Variants in PAFAH1B1 observed in about 807,000 individuals in gnomAD.
PAFAH1B1 encodes platelet activating factor acetylhydrolase 1b regulatory subunit 1.
In PAFAH1B1, 2 loss-of-function variants were observed where a neutral mutation model predicts 57.5. That is an observed-to-expected ratio of 0.03 (90% CI 0.01 to 0.11). PAFAH1B1 has a LOEUF of 0.11. Among genes scored for constraint, PAFAH1B1 ranks in the 10% least tolerant of loss-of-function variants. PAFAH1B1 has a pLI of 1.00. For synonymous variants in PAFAH1B1, 152 were observed against 169.6 expected (o/e 0.90, Z 0.81); for missense variants, 257 against 512.0 (o/e 0.50, Z 4.81).
chr17:2,621,270 A>C (rs573417010), intron 1 of PAFAH1B1, among the ~76,000 whole-genome samples: 1 of 151,914 alleles, frequency 6.6e-6, no homozygotes, highest in Admixed American at 6.6e-5. Context: ...GTTTCCCTCT[A>C]TGTGTCCACA....
intron 1 of PAFAH1B1, chr17:2,613,803 C>T (rs942318134): frequency 6.9e-6 from 2 of 290,406 alleles, no homozygotes; most frequent in South Asian, 4.3e-5. Flanking sequence ...CTCCTGATGC[C>T]GGGCGAGCAT....
intron 2 of PAFAH1B1, among the ~76,000 whole-genome samples, chr17:2,664,701 T>C (rs901225671): frequency 2.7e-5 from 4 of 149,258 alleles, no homozygotes; most frequent in South Asian, 2.1e-4. Flanking sequence ...TCTTTCTCTC[T>C]CCATCTATAA....
At chr17:2,593,307 T>G (rs1298921341), upstream of PAFAH1B1, 1 of 151,908 alleles carries the variant, frequency 6.6e-6, no homozygotes, top group Non-Finnish European at 1.5e-5. Context: ...GTCGGCCGCA[T>G]GAGCGCAAAA....
chr17:2,653,668 G>A lies in PAFAH1B1; in HGVS notation c.33-11704G>A, dbSNP rs541209674. 2.6e-4 allele frequency among the ~76,000 whole-genome samples: 39 copies of A among 152,214 alleles called. 1 individual carries two copies. The South Asian group carries it at 7.0e-3, about 27-fold the overall frequency. ...GTTAATATAGGGCAACAAAAACAAA[G>A]TACACGAATGAATTTGGATAGTAAG... On this transcript the variant is annotated intron_variant, in intron 2 of 10. Transcript: ENST00000397195.
At chr17:2,594,162 T>TCTC (rs2068056977) in intron 1 of PAFAH1B1, among the ~76,000 whole-genome samples, 156 bp downstream of exon 1, 1 of 151,972 alleles carries the variant, frequency 6.6e-6, no homozygotes, top group South Asian at 2.1e-4. Flanking sequence ...TCCTTCTTCT[T>TCTC]CTCTCCTCGC....
intron 1 of PAFAH1B1, among the ~76,000 whole-genome samples, chr17:2,629,852 T>C (rs1373692935): frequency 6.6e-6 from 1 of 152,230 alleles, no homozygotes; most frequent in Non-Finnish European, 1.5e-5. Flanking sequence ...CTTTTTCTCT[T>C]TTAACCGCTG....
At chr17:2,628,143 C>A (rs930194159) in intron 1 of PAFAH1B1, among the ~76,000 whole-genome samples, 5 of 152,100 alleles carry the variant, frequency 3.3e-5, no homozygotes, top group Admixed American at 6.6e-5. Context: ...AGTGGGCATC[C>A]TTGTCTTGTT....
chr17:2,650,974 T>C (rs1277463643), intron 2 of PAFAH1B1, among the ~76,000 whole-genome samples: 4 of 152,186 alleles, frequency 2.6e-5, no homozygotes, highest in Non-Finnish European at 5.9e-5. Context: ...ACCTTTAGAT[T>C]CATATTTGGG....
intron 2 of PAFAH1B1, among the ~76,000 whole-genome samples, chr17:2,664,154 C>A (rs904859279): frequency 1.3e-5 from 2 of 152,176 alleles, no homozygotes; most frequent in African/African-American, 4.8e-5. Flanking sequence ...GCTGGTAATT[C>A]CCTGTTATCT....
At chr17:2,640,051 CTG>C (rs1375906011) in intron 2 of PAFAH1B1, 3 of 152,154 alleles carry the variant, frequency 2.0e-5, no homozygotes, top group Admixed American at 6.6e-5. Flanking sequence ...CATTTGCACT[CTG>C]TGTGTTGGGG....
intron 1 of PAFAH1B1, among the ~76,000 whole-genome samples, chr17:2,628,563 TC>T (rs2068520296): frequency 6.6e-6 from 1 of 152,120 alleles, no homozygotes; most frequent in Non-Finnish European, 1.5e-5. Context: ...GGTTGTAGTT[TC>T]CTTTCCTGGT....
chr17:2,677,356 C>G (rs1451517396), intron 9 of PAFAH1B1, among the ~76,000 whole-genome samples: 2 of 152,108 alleles, frequency 1.3e-5, no homozygotes, highest in East Asian at 3.9e-4. Context: ...AAAGATATGT[C>G]AATACTAGTA....
At chr17:2,606,863 A>AG (rs2068211118) in intron 1 of PAFAH1B1, among the ~76,000 whole-genome samples, 1 of 120,664 alleles carries the variant, frequency 8.3e-6, no homozygotes, top group African/African-American at 3.3e-5. Flanking sequence ...TCTGTCGCCC[A>AG]GGCTGGGCTG....
chr17:2,665,917 TC>T, intron 3 of PAFAH1B1, 98 bp from the exon 4 acceptor site: 1 of 1,215,200 alleles, frequency 8.2e-7, no homozygotes, highest in Non-Finnish European at 1.1e-6. Context: ...TTTTTTATAA[TC>T]AGATTTTTAG....
intron 2 of PAFAH1B1, among the ~76,000 whole-genome samples, chr17:2,661,148 G>T (rs1208558447): frequency 6.6e-6 from 1 of 151,360 alleles, no homozygotes; most frequent in Non-Finnish European, 1.5e-5. Context: ...AGTTTATTTT[G>T]CTGTGCAGAA....
intron 1 of PAFAH1B1, among the ~76,000 whole-genome samples, chr17:2,629,733 A>G (rs577011803): frequency 2.8e-4 from 42 of 152,216 alleles, no homozygotes; most frequent in Middle Eastern, 3.4e-3. Flanking sequence ...TCTTAGGTCT[A>G]TTAGTAATTG....
intron 2 of PAFAH1B1, among the ~76,000 whole-genome samples, chr17:2,658,409 A>G (rs2068966739): frequency 1.3e-5 from 2 of 152,206 alleles, no homozygotes; most frequent in South Asian, 4.1e-4. Flanking sequence ...TACTCAAGAA[A>G]TTTAATCGAA....
At chr17:2,663,266 A>AAAAAT (rs370546465) in intron 2 of PAFAH1B1, among the ~76,000 whole-genome samples, 2 of 152,194 alleles carry the variant, frequency 1.3e-5, no homozygotes, top group African/African-American at 4.8e-5. Flanking sequence ...CAACAGAGCA[A>AAAAAT]AAAATAAAAT....
intron 1 of PAFAH1B1, among the ~76,000 whole-genome samples, chr17:2,621,840 T>G (rs2151623459): frequency 6.6e-6 from 1 of 152,168 alleles, no homozygotes; most frequent in South Asian, 2.1e-4. Flanking sequence ...CGTTTTCACG[T>G]TGCTGATAAA....
Sources: allele counts gnomAD v4.1 joint callset (sites outside exome capture counted in the v4.1 genomes callset), GRCh38; gene constraint gnomAD v4.1.1; transcripts MANE v1.5; gene names NCBI Gene and HGNC (gene_info 2026-07-23, HGNC 2026-07-21).